The following ARMC7 variants were observed in gnomAD, a reference collection of about 807,000 sequenced individuals.
The protein encoded by ARMC7 is armadillo repeat-containing protein 7.
In ARMC7, 9 loss-of-function variants were observed where a neutral mutation model predicts 14.8. That is an observed-to-expected ratio of 0.61 (90% CI 0.37 to 1.06). ARMC7 has a LOEUF of 1.06. ARMC7 is among the 50% of genes least tolerant of loss of function. The probability of loss-of-function intolerance (pLI) is 0.01; values close to 1 mark genes in which losing one functional copy is unlikely to be tolerated. For missense variants in ARMC7, 262 were observed against 267.1 expected (o/e 0.98, Z 0.13); for synonymous variants, 125 against 123.4 (o/e 1.01, Z -0.09).
At chr17:75,120,603 A>G (rs1481151205) in intron 2 of ARMC7, among the ~76,000 whole-genome samples, 1 of 152,076 alleles carries the variant, frequency 6.6e-6, no homozygotes, top group Non-Finnish European at 1.5e-5. Flanking sequence ...TCACGAGGTC[A>G]GGAGATCAAG....
chr17:75,111,535 G>A (rs1598162092), intron 2 of ARMC7, among the ~76,000 whole-genome samples: 1 of 150,888 alleles, frequency 6.6e-6, no homozygotes, highest in African/African-American at 2.4e-5. Flanking sequence ...CTTGAGTTCC[G>A]GAGTTCAAGA....
rs1329303737 is a variant in ARMC7 at position 75,110,101 on chromosome 17, T to A, written c.-188T>A. 3 of 595,258 alleles carry A rather than the reference T, an allele frequency of 5.0e-6. No individual in the cohort carries two copies. The highest frequency in any genetic ancestry group is 8.8e-6 in the Non-Finnish European group (3 of 341,870). The allele number at this position is 595,258 out of a possible 1,614,324, so 36.9% of individuals were successfully genotyped here. ...ACTCCTACAGGATTCTGAGACCCCG[T>A]CCCATCTCCCATATCCCATTTCCAG... is the stretch of plus-strand genomic sequence containing the variant. On this transcript the variant is annotated 5_prime_UTR_variant, in exon 1 of 3. Coordinates refer to ENST00000245543, the MANE Select transcript of ARMC7 (RefSeq NM_024585.4).
chr17:75,115,135 T>G (rs1224314577), intron 2 of ARMC7, among the ~76,000 whole-genome samples: 1 of 152,162 alleles, frequency 6.6e-6, no homozygotes, highest in Admixed American at 6.6e-5. Context: ...AGATCTTCAC[T>G]TAATAGGTGT....
chr17:75,125,092 C>T (rs1013213790), intron 2 of ARMC7, among the ~76,000 whole-genome samples: 7 of 152,220 alleles, frequency 4.6e-5, no homozygotes, highest in Admixed American at 1.3e-4. Flanking sequence ...GCTACTCTTT[C>T]TCAGGACTCC....
chr17:75,124,261 C>T (rs1368554904), intron 2 of ARMC7, among the ~76,000 whole-genome samples: 1 of 152,204 alleles, frequency 6.6e-6, no homozygotes, highest in African/African-American at 2.4e-5. Context: ...TTCCCTGCCA[C>T]TGCGGAGAGG....
chr17:75,112,138 G>GCT (rs2073928307), intron 2 of ARMC7, among the ~76,000 whole-genome samples: 2 of 146,716 alleles, frequency 1.4e-5, no homozygotes, highest in African/African-American at 5.5e-5. Flanking sequence ...GAAGGAGCCA[G>GCT]ACGGAAGGCT....
chr17:75,127,516 C>T (rs563357390), intron 2 of ARMC7, among the ~76,000 whole-genome samples: 1 of 152,340 alleles, frequency 6.6e-6, no homozygotes, highest in South Asian at 2.1e-4. Context: ...CCAGGCTGGT[C>T]TGGAACTCCT....
At chr17:75,125,510 T>A (rs976360691) in intron 2 of ARMC7, among the ~76,000 whole-genome samples, 18 of 152,070 alleles carry the variant, frequency 1.2e-4, no homozygotes, top group African/African-American at 4.1e-4. Flanking sequence ...CACGGACATC[T>A]GGAATTTACT....
intron 2 of ARMC7, among the ~76,000 whole-genome samples, chr17:75,115,727 G>T (rs542328853): frequency 6.6e-6 from 1 of 152,198 alleles, no homozygotes; most frequent in South Asian, 2.1e-4. Flanking sequence ...CTGCTTGTTG[G>T]CAGGCAGCAC....
At chr17:75,112,218 G>T (rs1232454659) in intron 2 of ARMC7, among the ~76,000 whole-genome samples, 2 of 152,206 alleles carry the variant, frequency 1.3e-5, no homozygotes, top group African/African-American at 4.8e-5. Flanking sequence ...AGTGGCACCA[G>T]AGCTTGCAGG....
chr17:75,128,144 G>A (rs1568019769), intron 2 of ARMC7, among the ~76,000 whole-genome samples: 1 of 151,992 alleles, frequency 6.6e-6, no homozygotes, highest in East Asian at 1.9e-4. Flanking sequence ...ATGCAATCTC[G>A]GCTCACTGCA....
Position 75,130,179 on chromosome 17 carries a change from C to T in ARMC7, c.*1141C>T. On this transcript the variant is annotated 3_prime_UTR_variant, in exon 3 of 3. Transcript: ENST00000245543. ...GGAGGGAAGGGCTCATCAGCACCCG[C>T]TCAGGGAGCCTGTCCCTTTATGTTC... 3.1e-6 allele frequency: 1 copy of T among 324,508 alleles called. No homozygotes were observed. Among genetic ancestry groups the T allele is most frequent in the Non-Finnish European group, 5.8e-6 (1 of 172,326 alleles). 20.1% of individuals were successfully genotyped at this position (324,508 alleles called of 1,614,324 possible).
chr17:75,129,498 C>G lies in ARMC7; in HGVS notation c.*460C>G, dbSNP rs765857638. The stretch of plus-strand genomic sequence containing the variant: ...TGCCTCGTGGTGAAAGGATCTCACC[C>G]TGGGAAGATGTGGTGCCCCCTCCAG... On this transcript the variant is annotated 3_prime_UTR_variant, in exon 3 of 3. Coordinates refer to ENST00000245543, the MANE Select transcript of ARMC7 (RefSeq NM_024585.4). The G allele has an allele frequency of 1.3e-5, 2 of 159,840 alleles. No individual in the cohort carries two copies. The highest frequency in any genetic ancestry group is 4.8e-5 in the African/African-American group (2 of 41,588). The allele number at this position is 159,840 out of a possible 1,614,324, so 9.9% of individuals were successfully genotyped here. A position where few individuals can be genotyped will look rare whatever the true frequency, so the allele number is the denominator to read the frequency against.
chr17:75,116,445 T>C (rs2073973327), intron 2 of ARMC7, among the ~76,000 whole-genome samples: 1 of 152,136 alleles, frequency 6.6e-6, no homozygotes, highest in African/African-American at 2.4e-5. Flanking sequence ...CTGACCAACA[T>C]GGAGAAACCC....
At chr17:75,113,755 C>T (rs1178454412) in intron 2 of ARMC7, among the ~76,000 whole-genome samples, 4 of 152,230 alleles carry the variant, frequency 2.6e-5, no homozygotes, top group Admixed American at 6.5e-5. Flanking sequence ...AAATGAGGGT[C>T]TTCTCTCCAT....
At chr17:75,117,480 A>G (rs1217425540) in intron 2 of ARMC7, among the ~76,000 whole-genome samples, 1 of 152,234 alleles carries the variant, frequency 6.6e-6, no homozygotes, top group East Asian at 1.9e-4. Flanking sequence ...GTTCAAAGGC[A>G]GGAGGCAGAG....
At position 75,123,539 on chromosome 17, in the gene ARMC7, G is replaced by A. The variant is rs1030459371; in HGVS notation, c.236-5138G>A. Among the ~76,000 whole-genome samples the A allele has an allele frequency of 2.0e-5, 3 of 151,818 alleles. No individual in the cohort carries two copies. The East Asian group carries it at 5.8e-4, about 30-fold the overall frequency. On this transcript the variant is annotated intron_variant, in intron 2 of 2. Coordinates refer to ENST00000245543, the MANE Select transcript of ARMC7 (RefSeq NM_024585.4). ...CGGCTAATTTTTTGTATTTTTAGTAGAGAGGGAGTTTCACCGTGTTAGCCA... is the reference window on the plus strand; with the variant it reads ...CGGCTAATTTTTTGTATTTTTAGTAAAGAGGGAGTTTCACCGTGTTAGCCA...
chr17:75,112,126 A>G (rs1408971613), intron 2 of ARMC7, among the ~76,000 whole-genome samples: 1 of 146,716 alleles, frequency 6.8e-6, no homozygotes, highest in Non-Finnish European at 1.5e-5. Context: ...GCCTTAAAAC[A>G]GGAAGGAGCC....
intron 2 of ARMC7, among the ~76,000 whole-genome samples, chr17:75,112,921 A>G (rs762846365): frequency 6.6e-6 from 1 of 151,946 alleles, no homozygotes; most frequent in Non-Finnish European, 1.5e-5. Flanking sequence ...GGTTTGTCTC[A>G]TTGCCTCTTT....
Sources: allele counts gnomAD v4.1 joint callset (sites outside exome capture counted in the v4.1 genomes callset), GRCh38; gene constraint gnomAD v4.1.1; transcripts MANE v1.5; gene names NCBI Gene and HGNC (gene_info 2026-07-23, HGNC 2026-07-21).